Variants in OTOGL observed in about 807,000 individuals in gnomAD.
OTOGL encodes otogelin-like protein.
In OTOGL, 285 loss-of-function variants were observed where a neutral mutation model predicts 318.5. The observed-to-expected ratio is 0.89, with a 90% CI of 0.81 to 0.99. The LOEUF (loss-of-function observed/expected upper bound fraction) is 0.99, where lower values mean the gene tolerates loss of function less well. Among genes scored for constraint, OTOGL ranks in the 50% least tolerant of loss-of-function variants. OTOGL has a pLI of 0.00. For synonymous variants in OTOGL, 987 were observed against 936.5 expected (o/e 1.05, Z -0.99); for missense variants, 2,899 against 2,845.6 (o/e 1.02, Z -0.43).
chr12:80,310,252 G>A (rs893940118), intron 29 of OTOGL, among the ~76,000 whole-genome samples: 7 of 152,088 alleles, frequency 4.6e-5, no homozygotes, highest in African/African-American at 1.4e-4. Flanking sequence ...AGAGACTTGG[G>A]TGCATATAAC....
In OTOGL at chr12:80,099,615, G is replaced by A. The variant is rs992781000; in HGVS notation, c.-20+10G>A. The A allele has an allele frequency of 2.0e-5, 3 of 152,286 alleles. No individual in the cohort carries two copies. Among genetic ancestry groups the A allele is most frequent in the Admixed American group, 6.5e-5 (1 of 15,282 alleles). The allele number at this position is 152,286 out of a possible 1,614,324, so 9.4% of individuals were successfully genotyped here. ...AGCCAGTGCTTCCCTGGTAAGTTTT[G>A]GGGGATGGAAGTGGCAGCAGTCATA... On this transcript the variant is annotated intron_variant, in intron 1 of 58. Transcript: ENST00000547103.
intron 26 of OTOGL, among the ~76,000 whole-genome samples, chr12:80,279,779 G>A (rs1173114834): frequency 6.6e-6 from 1 of 151,744 alleles, no homozygotes; most frequent in Non-Finnish European, 1.5e-5. Flanking sequence ...ACGGTAGAAT[G>A]ATTTATATTC....
chr12:80,303,984 C>G (rs1032230795), intron 28 of OTOGL, among the ~76,000 whole-genome samples: 3 of 152,210 alleles, frequency 2.0e-5, no homozygotes, highest in Non-Finnish European at 2.9e-5. Flanking sequence ...TTATTGTCAA[C>G]CCCTACCTTT....
rs536801009 is a variant in OTOGL at position 80,137,467 on chromosome 12, C to T, written c.-20+37862C>T. On this transcript the variant is annotated intron_variant, in intron 1 of 58. Transcript: ENST00000547103. ...GCTGAGAAATGGAATTGACCAAAAC[C>T]TCTTGCCAAATTAGATGTTTGACCC... is the stretch of plus-strand genomic sequence containing the variant. Among the ~76,000 whole-genome samples, 17 of 152,190 alleles carry T rather than the reference C, an allele frequency of 1.1e-4. No individual in the cohort carries two copies. The South Asian group carries it at 3.5e-3, about 32-fold the overall frequency.
rs756841334 is a variant in OTOGL at position 80,339,125 on chromosome 12, G to T, written c.4911G>T (p.Leu1637=). Residue 1637 remains leucine (L), a synonymous_variant, in exon 43 of 59, where the codon CTG becomes CTT. Transcript: ENST00000547103. ...CTTTGCCCTTTTCAAGTCAGGAACT[G>T]TCCATAGAGGATTCTGGTTCAATGT... is the stretch of plus-strand genomic sequence containing the variant. ...VVPLPFSSQE[L]SIEDSGSMYV... The T allele has an allele frequency of 1.9e-6, 3 of 1,611,724 alleles. No homozygotes were observed.
chr12:80,202,098 G>A (rs1876497658), intron 1 of OTOGL, among the ~76,000 whole-genome samples: 1 of 152,060 alleles, frequency 6.6e-6, no homozygotes. Flanking sequence ...GCACTTAATA[G>A]AAATCTAACT....
intron 8 of OTOGL, among the ~76,000 whole-genome samples, chr12:80,231,921 G>A (rs952779428): frequency 1.3e-5 from 2 of 151,764 alleles, no homozygotes; most frequent in African/African-American, 4.8e-5. Flanking sequence ...ACAGGCGTGA[G>A]CCACCGAGCC....
intron 1 of OTOGL, among the ~76,000 whole-genome samples, chr12:80,100,330 T>TAA (rs1869062808): frequency 6.6e-6 from 1 of 152,142 alleles, no homozygotes; most frequent in Non-Finnish European, 1.5e-5. Flanking sequence ...ATCTTACTTC[T>TAA]CCTAACAACA....
At chr12:80,100,374 A>C (rs71463852) in intron 1 of OTOGL, among the ~76,000 whole-genome samples, 1 of 152,120 alleles carries the variant, frequency 6.6e-6, no homozygotes, top group Non-Finnish European at 1.5e-5. Context: ...AGTGATGGAT[A>C]CCCCAACTAC....
intron 1 of OTOGL, among the ~76,000 whole-genome samples, chr12:80,165,252 A>C (rs1873761318): frequency 6.6e-6 from 1 of 152,150 alleles, no homozygotes; most frequent in Admixed American, 6.5e-5. Context: ...TTGAAATGAC[A>C]TGTGCTTTGC....
intron 11 of OTOGL, 76 bp from the exon 12 acceptor site, chr12:80,251,617 A>G (rs912714016): frequency 9.0e-7 from 1 of 1,114,156 alleles, no homozygotes; most frequent in Non-Finnish European, 1.3e-6. Flanking sequence ...CAGCATTTCT[A>G]GGGATCAGGA....
intron 57 of OTOGL, among the ~76,000 whole-genome samples, chr12:80,375,451 C>A (rs554594167): frequency 1.3e-5 from 2 of 152,106 alleles, no homozygotes; most frequent in Non-Finnish European, 2.9e-5. Context: ...GGAAGAAACA[C>A]TGAACCCATA....
chr12:80,345,103 TTATAA>T (rs1180561698), intron 44 of OTOGL, among the ~76,000 whole-genome samples: 1 of 18,154 alleles, frequency 5.5e-5, no homozygotes, highest in Non-Finnish European at 9.7e-5. Flanking sequence ...ATTTTATATA[TTATAA>T]TATATATTAT....
chr12:80,301,289 A>G (rs1885743062), intron 27 of OTOGL, among the ~76,000 whole-genome samples: 1 of 152,206 alleles, frequency 6.6e-6, no homozygotes, highest in Admixed American at 6.5e-5. Context: ...GCCCTTGCTT[A>G]TAAAGAATAT....
chr12:80,237,609 G>A (rs1316251124), intron 9 of OTOGL, among the ~76,000 whole-genome samples: 2 of 152,154 alleles, frequency 1.3e-5, no homozygotes, highest in Admixed American at 1.3e-4. Flanking sequence ...GGTTGAGCAA[G>A]AAAAGGTGCA....
chr12:80,373,276 A>G (rs557979365), intron 57 of OTOGL, among the ~76,000 whole-genome samples: 1 of 152,266 alleles, frequency 6.6e-6, no homozygotes, highest in South Asian at 2.1e-4. Flanking sequence ...TACTAAAAAT[A>G]CAAAAATTAG....
chr12:80,230,958 T>A (rs568212323), intron 8 of OTOGL, among the ~76,000 whole-genome samples: 1 of 152,306 alleles, frequency 6.6e-6, no homozygotes, highest in South Asian at 2.1e-4. Flanking sequence ...TTATTTCCCA[T>A]CTCCACTGGC....
At chr12:80,347,706 C>G (rs1321882721) in intron 44 of OTOGL, among the ~76,000 whole-genome samples, 1 of 152,068 alleles carries the variant, frequency 6.6e-6, no homozygotes, top group African/African-American at 2.4e-5. Context: ...ACACTGTCTT[C>G]CATAATTATT....
At chr12:80,308,367 C>T (rs1220729984) in intron 29 of OTOGL, among the ~76,000 whole-genome samples, 11 of 151,452 alleles carry the variant, frequency 7.3e-5, no homozygotes, top group East Asian at 3.9e-4. Context: ...ACATCCCGGA[C>T]GGGGCGGCAG....
Sources: gnomAD v4.1 joint callset for allele counts (sites outside exome capture counted in the v4.1 genomes callset) on GRCh38, gnomAD v4.1.1 for gene constraint, MANE v1.5 for transcripts, NCBI Gene and HGNC (gene_info 2026-07-23, HGNC 2026-07-21) for gene names.